Variants in PIR observed in about 807,000 individuals in gnomAD.
PIR encodes the protein pirin.
Under a neutral mutation model 24.2 loss-of-function variants are expected in PIR, and 22 were observed. That is an observed-to-expected ratio of 0.91 (90% CI 0.65 to 1.30). The LOEUF (loss-of-function observed/expected upper bound fraction) is 1.30, where lower values mean the gene tolerates loss of function less well. Ranked by LOEUF, PIR falls within the 50% of genes most tolerant of loss-of-function variation. PIR has a pLI of 0.00. For synonymous variants in PIR, 80 were observed against 79.6 expected (o/e 1.00, Z -0.03); for missense variants, 220 against 220.3 (o/e 1.00, Z 0.01).
rs1921219269 is a variant in PIR at position 15,459,717 on chromosome X, G to A, written c.213C>T (p.Gly71=). 6.7e-6 allele frequency: 8 copies of A among 1,185,693 alleles called. No individual in the cohort carries two copies. Among genetic ancestry groups the A allele is most frequent in the Non-Finnish European group, 9.2e-6 (8 of 873,846 alleles). The change falls in exon 4 of 10, where the codon GGC becomes GGT. Residue 71 remains glycine, a synonymous_variant. Transcript: ENST00000380420. ...FETVSYLLEG[G]SMAHEDFCGH... is the part of the protein sequence containing the mutation. Reference sequence around the variant, plus strand: ...CACAGAAGTCTTCATGGGCCATGCTGCCCCCTTCCAGGAGGTAGGATACCT... The same window carrying A: ...CACAGAAGTCTTCATGGGCCATGCTACCCCCTTCCAGGAGGTAGGATACCT...
intron 3 of PIR, among the ~76,000 whole-genome samples, chrX:15,470,561 T>A (rs1305620512): frequency 9.1e-6 from 1 of 109,383 alleles, no homozygotes; most frequent in Non-Finnish European, 1.9e-5. Flanking sequence ...TTTATTACAT[T>A]TCCCCCCACT....
chrX:15,395,488 G>T (rs1386874294), intron 8 of PIR, among the ~76,000 whole-genome samples: 4 of 112,043 alleles, frequency 3.6e-5, no homozygotes, highest in African/African-American at 1.3e-4. Flanking sequence ...TATGAAAAAG[G>T]TTTGGATTTG....
chrX:15,416,530 A>G (rs1924922967), intron 6 of PIR, among the ~76,000 whole-genome samples: 1 of 112,034 alleles, frequency 8.9e-6, no homozygotes, highest in South Asian at 3.7e-4. Flanking sequence ...AATGTGTGGT[A>G]CTTTCAACCA....
intron 5 of PIR, among the ~76,000 whole-genome samples, chrX:15,428,548 A>C (rs1157257204): frequency 1.8e-5 from 2 of 111,070 alleles, no homozygotes; most frequent in Non-Finnish European, 3.8e-5. Context: ...TTTTGCTAGC[A>C]CTCTCCCAGA....
intron 6 of PIR, among the ~76,000 whole-genome samples, chrX:15,410,057 C>CAT: frequency 9.0e-6 from 1 of 110,937 alleles, no homozygotes; most frequent in Non-Finnish European, 1.9e-5. Context: ...TCGAGACCAG[C>CAT]CTGGCCAACA....
At chrX:15,425,407 C>T (rs867054921) in intron 6 of PIR, among the ~76,000 whole-genome samples, 4 of 100,486 alleles carry the variant, frequency 4.0e-5, no homozygotes, top group African/African-American at 1.6e-4. Context: ...TCTTTTCTTT[C>T]TTTCTTTTTT....
rs1923148552 is a variant in PIR at position 15,491,327 on chromosome X, A to AC, written c.-52-19_-52-18insG. ...ATGGAGGGCTAAAGGAAGGACAACA[A>AC]AAAAAAAAGAAGTCATAAAGGAGGG... is the stretch of plus-strand genomic sequence containing the variant. On this transcript the variant is annotated intron_variant, in intron 1 of 9. Transcript: ENST00000380420. 1.6e-6 allele frequency: 1 copy of AC among 644,080 alleles called. No homozygotes were observed. Among genetic ancestry groups the AC allele is most frequent in the African/African-American group, 2.5e-5 (1 of 40,555 alleles). 53.1% of individuals were successfully genotyped at this position (644,080 alleles called of 1,213,427 possible). A position where few individuals can be genotyped will look rare whatever the true frequency, so the allele number is the denominator to read the frequency against.
chrX:15,484,567 A>C (rs902593994), intron 2 of PIR, among the ~76,000 whole-genome samples: 17 of 110,611 alleles, frequency 1.5e-4, no homozygotes, highest in African/African-American at 5.3e-4. Context: ...CACCCACCTC[A>C]GCCTCCCAAA....
At chrX:15,480,793 C>T (rs1475036697) in intron 2 of PIR, among the ~76,000 whole-genome samples, 1 of 112,535 alleles carries the variant, frequency 8.9e-6, no homozygotes, top group Admixed American at 9.4e-5. Flanking sequence ...TTATGAGATA[C>T]ATGGGCAGAC....
chrX:15,466,167 A>G (rs1921584785), intron 3 of PIR, among the ~76,000 whole-genome samples: 1 of 110,596 alleles, frequency 9.0e-6, no homozygotes, highest in African/African-American at 3.3e-5. Flanking sequence ...CTGAATCCAT[A>G]CAATTAAGGA....
intron 5 of PIR, among the ~76,000 whole-genome samples, chrX:15,447,653 T>C (rs749019664): frequency 1.8e-5 from 2 of 112,162 alleles, no homozygotes; most frequent in Admixed American, 9.4e-5. Context: ...ACATCCACTT[T>C]ATTCATATCC....
rs137876562 is a variant in PIR at position 15,463,600 on chromosome X, C to T, written c.190-3860G>A. Among the ~76,000 whole-genome samples the T allele has an allele frequency of 7.4e-3, 833 of 112,052 alleles. 9 individuals are homozygous for T. The highest frequency in any genetic ancestry group is 0.026 in the African/African-American group (789 of 30,844). ...CAGAATAGCCTAGGCAGGGCCTTTA[C>T]CCCAGCAGGTCACAGGCAGATGGCT... On this transcript the variant is annotated intron_variant, in intron 3 of 9. Transcript: ENST00000380420.
At chrX:15,429,012 T>C (rs1211948814) in intron 5 of PIR, among the ~76,000 whole-genome samples, 1 of 111,728 alleles carries the variant, frequency 9.0e-6, no homozygotes, top group African/African-American at 3.3e-5. Flanking sequence ...TAAAGAGAAG[T>C]GAGAATGTGG....
At chrX:15,445,117 G>A (rs1259822841) in intron 5 of PIR, among the ~76,000 whole-genome samples, 1 of 111,350 alleles carries the variant, frequency 9.0e-6, no homozygotes, top group Non-Finnish European at 1.9e-5. Flanking sequence ...GGGGAAGCCA[G>A]TATTGTTCTT....
chrX:15,445,619 A>G (rs1350710755), intron 5 of PIR, among the ~76,000 whole-genome samples: 1 of 111,088 alleles, frequency 9.0e-6, no homozygotes, highest in Non-Finnish European at 1.9e-5. Flanking sequence ...TTATTTCTCA[A>G]CAAACCTGGA....
intron 4 of PIR, among the ~76,000 whole-genome samples, chrX:15,458,826 C>T (rs779208453): frequency 3.5e-4 from 39 of 112,616 alleles, no homozygotes; most frequent in Non-Finnish European, 2.6e-4. Flanking sequence ...GAAGTCACCA[C>T]TTCCACGATC....
chrX:15,471,265 T>C lies in PIR; in HGVS notation c.189+8464A>G, dbSNP rs145765605. Among the ~76,000 whole-genome samples the C allele has an allele frequency of 3.8e-3, 429 of 111,551 alleles. 2 individuals carry two copies. The highest frequency in any genetic ancestry group is 0.014 in the African/African-American group (415 of 30,631). On this transcript the variant is annotated intron_variant, in intron 3 of 9. Coordinates refer to ENST00000380420, the MANE Select transcript of PIR (RefSeq NM_001018109.3). ...CAGAAATTGCAAATGAGTCACTTCT[T>C]GGGCTTTTGGCTAAGATCAAATGTA...
At chrX:15,451,934 T>C (rs1216643494) in intron 5 of PIR, among the ~76,000 whole-genome samples, 1 of 111,943 alleles carries the variant, frequency 8.9e-6, no homozygotes, top group Non-Finnish European at 1.9e-5. Context: ...TTACAAGTAA[T>C]AGCCAACCTA....
chrX:15,469,466 G>A (rs1189514203), intron 3 of PIR, among the ~76,000 whole-genome samples: 1 of 111,646 alleles, frequency 9.0e-6, no homozygotes, highest in East Asian at 2.8e-4. Context: ...CACTCTAGCA[G>A]AAGATAAACC....
Sources: allele counts gnomAD v4.1 joint callset (sites outside exome capture counted in the v4.1 genomes callset), GRCh38; gene constraint gnomAD v4.1.1; transcripts MANE v1.5; gene names NCBI Gene and HGNC (gene_info 2026-07-23, HGNC 2026-07-21).